The following SHISA9 variants were observed in gnomAD, a reference collection of about 807,000 sequenced individuals.
The protein encoded by SHISA9 is protein shisa-9.
In SHISA9, 13 loss-of-function variants were observed where a neutral mutation model predicts 38.0. The ratio of observed to expected loss-of-function variants is 0.34; its 90% confidence interval spans 0.22 to 0.54. The LOEUF is 0.54. Among genes scored for constraint, SHISA9 ranks in the 20% least tolerant of loss-of-function variants. SHISA9 has a pLI of 0.91. For missense variants in SHISA9, 538 were observed against 575.8 expected, an observed-to-expected ratio of 0.93 and a Z score of 0.67; for synonymous variants, 275 against 242.0, an observed-to-expected ratio of 1.14 and a Z score of -1.27.
the SHISA9 span, among the ~76,000 whole-genome samples, chr16:13,378,106 C>T: frequency 6.6e-6 from 1 of 152,274 alleles, no homozygotes; most frequent in African/African-American, 2.4e-5. Context: ...ACTGTGAAGC[C>T]TGCAGAGCTA....
chr16:13,023,007 T>G (rs974046689), intron 2 of SHISA9, among the ~76,000 whole-genome samples: 1 of 145,126 alleles, frequency 6.9e-6, no homozygotes, highest in African/African-American at 2.4e-5. Context: ...TTTTCTTTCT[T>G]TCTGTCTTTT....
chr16:12,965,435 C>T (rs767186395), intron 2 of SHISA9, among the ~76,000 whole-genome samples: 12 of 152,182 alleles, frequency 7.9e-5, no homozygotes, highest in African/African-American at 1.4e-4. Context: ...TGGCAACTAC[C>T]GATCTCCTTT....
intron 2 of SHISA9, among the ~76,000 whole-genome samples, chr16:13,033,946 G>A (rs377635820): frequency 3.9e-5 from 6 of 152,164 alleles, no homozygotes; most frequent in East Asian, 3.9e-4. Context: ...AGGAGTTTGC[G>A]ACCAGCCTAA....
At chr16:13,299,541 C>A in the SHISA9 span, among the ~76,000 whole-genome samples, 1 of 151,936 alleles carries the variant, frequency 6.6e-6, no homozygotes, top group Non-Finnish European at 1.5e-5. Context: ...TGGTGAAACG[C>A]TCTCTGTACT....
chr16:13,176,344 A>C (rs2050731488), intron 2 of SHISA9, among the ~76,000 whole-genome samples: 1 of 152,284 alleles, frequency 6.6e-6, no homozygotes. Flanking sequence ...GGACACCTGC[A>C]GAGGTGCCCA....
chr16:13,097,610 T>C (rs551180449), intron 2 of SHISA9, among the ~76,000 whole-genome samples: 21 of 152,222 alleles, frequency 1.4e-4, no homozygotes, highest in African/African-American at 4.6e-4. Context: ...TACTATGTTA[T>C]CCAGGCTGGG....
the SHISA9 span, among the ~76,000 whole-genome samples, chr16:13,549,282 T>C: frequency 6.6e-6 from 1 of 152,214 alleles, no homozygotes; most frequent in Non-Finnish European, 1.5e-5. Flanking sequence ...GAAAAAGTTC[T>C]GGTGTGCTAT....
the SHISA9 span, among the ~76,000 whole-genome samples, chr16:13,443,271 A>G: frequency 6.6e-6 from 1 of 152,324 alleles, no homozygotes; most frequent in East Asian, 1.9e-4. Context: ...AAGAAATTCT[A>G]ACTAATCTTC....
rs141179874 is a variant in SHISA9, at chr16:13,069,169, G to A, written c.692-134225G>A. Among the ~76,000 whole-genome samples, 292 of 147,416 alleles carry A rather than the reference G, an allele frequency of 2.0e-3. 1 individual carries two copies. Among genetic ancestry groups the A allele is most frequent in the African/African-American group, 7.5e-3 (281 of 37,476 alleles). On this transcript the variant is annotated intron_variant, in intron 2 of 4. Coordinates refer to ENST00000558583, the MANE Select transcript of SHISA9 (RefSeq NM_001145204.3). Reference sequence around the variant, plus strand: ...TATGCATGTATGTGTATATATGTGTGTACATGCAATGTGTATATGTGTATA... The same window carrying A: ...TATGCATGTATGTGTATATATGTGTATACATGCAATGTGTATATGTGTATA...
In SHISA9 at chr16:13,203,441, C is replaced by A. The variant is rs1301485458; in HGVS notation, c.739C>A (p.Gln247Lys). ...NAVPTSPLLQ[Q>K]MGHPHSYPNL... ...AGTGCCCACCTCTCCTCTGCTCCAG[C>A]AGATGGGCCATCCACATTCGTACCC... Residue 247 changes from glutamine to lysine, a missense_variant, in exon 3 of 5, where the codon CAG (glutamine) becomes AAG (lysine). Coordinates refer to ENST00000558583, the MANE Select transcript of SHISA9 (RefSeq NM_001145204.3). The A allele has an allele frequency of 6.4e-7, 1 of 1,550,624 alleles. No homozygotes were observed. The highest frequency in any genetic ancestry group is 2.0e-5 in the Admixed American group (1 of 50,650).
chr16:13,540,958 C>G, the SHISA9 span, among the ~76,000 whole-genome samples: 4 of 152,178 alleles, frequency 2.6e-5, no homozygotes, highest in African/African-American at 9.7e-5. Context: ...AGGACAGTAG[C>G]CCTGAAGGTA....
the SHISA9 span, among the ~76,000 whole-genome samples, chr16:13,434,869 TA>T: frequency 1.3e-5 from 2 of 152,228 alleles, no homozygotes; most frequent in African/African-American, 4.8e-5. Context: ...ACCAGCCCAT[TA>T]GCCAGTCTTC....
chr16:13,204,837 G>C (rs1274278805), intron 3 of SHISA9: 1 of 152,186 alleles, frequency 6.6e-6, no homozygotes, highest in African/African-American at 2.4e-5. Context: ...ACAGAGCTGA[G>C]AATTGAACCC....
At chr16:12,917,965 C>G (rs548823345) in intron 2 of SHISA9, among the ~76,000 whole-genome samples, 2 of 152,262 alleles carry the variant, frequency 1.3e-5, no homozygotes, top group East Asian at 3.9e-4. Context: ...TTCTCTGATT[C>G]TGCCTAGTGA....
the SHISA9 span, among the ~76,000 whole-genome samples, chr16:13,484,679 G>A: frequency 1.1e-3 from 175 of 152,354 alleles, 2 homozygotes; most frequent in African/African-American, 4.1e-3. Flanking sequence ...AGGTTGTACA[G>A]GAAGCATGGT....
At chr16:12,911,375 A>G (rs1175003113) in intron 1 of SHISA9, 3 of 985,314 alleles carry the variant, frequency 3.0e-6, no homozygotes, top group Non-Finnish European at 1.2e-6. Context: ...ACATTTTTTC[A>G]GCACATTCCT....
the SHISA9 span, among the ~76,000 whole-genome samples, chr16:13,403,098 C>T: frequency 7.6e-5 from 11 of 144,884 alleles, no homozygotes; most frequent in South Asian, 1.4e-3. Flanking sequence ...AGTGAGACTC[C>T]GTCTCAAAAA....
chr16:13,270,418 C>T, the SHISA9 span, among the ~76,000 whole-genome samples: 4 of 152,234 alleles, frequency 2.6e-5, no homozygotes, highest in East Asian at 1.9e-4. Flanking sequence ...ACAGAATTTA[C>T]CCTCCTAATG....
chr16:13,502,043 C>A, the SHISA9 span, among the ~76,000 whole-genome samples: 1 of 150,100 alleles, frequency 6.7e-6, no homozygotes, highest in East Asian at 1.9e-4. Flanking sequence ...AATAAATGAA[C>A]AGATGGATGA....
Sources: allele counts gnomAD v4.1 joint callset (sites outside exome capture counted in the v4.1 genomes callset), GRCh38; gene constraint gnomAD v4.1.1; transcripts MANE v1.5; gene names NCBI Gene and HGNC (gene_info 2026-07-23, HGNC 2026-07-21).